The following HDAC9 variants were observed in gnomAD, a reference collection of about 807,000 sequenced individuals.
The protein encoded by HDAC9 is MEF-2 interacting transcription repressor (MITR) protein.
In HDAC9, 41 loss-of-function variants were observed where a neutral mutation model predicts 139.4. The ratio of observed to expected loss-of-function variants is 0.29; its 90% CI spans 0.23 to 0.38. The LOEUF is 0.38. Among genes scored for constraint, HDAC9 ranks in the 10% least tolerant of loss-of-function variants. HDAC9 has a pLI of 1.00. For synonymous variants in HDAC9, 517 were observed against 476.2 expected, an observed-to-expected ratio of 1.09 and a Z score of -1.12; for missense variants, 1,147 against 1,297.0, an observed-to-expected ratio of 0.88 and a Z score of 1.78.
intron 17 of HDAC9, among the ~76,000 whole-genome samples, chr7:18,794,160 C>A (rs1204519481): frequency 6.6e-6 from 1 of 152,134 alleles, no homozygotes; most frequent in African/African-American, 2.4e-5. Context: ...TGCAGTTACC[C>A]CAATAAACTT....
chr7:18,205,552 C>G lies in HDAC9; in HGVS notation c.25+43203C>G, dbSNP rs549279937. On this transcript the variant is annotated intron_variant, in intron 2 of 12. Transcript: ENST00000417496. ...CAAAGCACTGATAGCACCGAGGTGA[C>G]AGTATATTTTTACCTTTTTCCCCTA... Among the ~76,000 whole-genome samples, 36 of 152,092 alleles carry G rather than the reference C, an allele frequency of 2.4e-4. 1 individual carries two copies. The South Asian group carries it at 7.5e-3, about 32-fold the overall frequency.
rs570319397 is a variant in HDAC9, at chr7:18,890,681, C to T, written c.2803+16085C>T. On this transcript the variant is annotated intron_variant, in intron 22 of 25. Transcript: ENST00000686413. The stretch of plus-strand genomic sequence containing the variant: ...TCTGTTGATGATTGGAATTATACCA[C>T]ATCCATTGTGGTCGATTACCTTTTG... Among the ~76,000 whole-genome samples, 3 of 152,324 alleles carry T rather than the reference C, an allele frequency of 2.0e-5. No homozygotes were observed. The South Asian group carries it at 6.2e-4, about 32-fold the overall frequency.
intron 1 of HDAC9, among the ~76,000 whole-genome samples, chr7:18,113,463 G>A (rs1783762480): frequency 6.6e-6 from 1 of 152,150 alleles, no homozygotes; most frequent in African/African-American, 2.4e-5. Flanking sequence ...CATGGACACG[G>A]ATTAAGTTTC....
intron 2 of HDAC9, among the ~76,000 whole-genome samples, chr7:18,523,108 T>C (rs887127508): frequency 2.0e-5 from 3 of 152,166 alleles, no homozygotes; most frequent in African/African-American, 7.2e-5. Context: ...TTGGAGGACA[T>C]GATCTATAAT....
At chr7:18,354,909 T>C (rs1783134752) in intron 1 of HDAC9, among the ~76,000 whole-genome samples, 1 of 152,170 alleles carries the variant, frequency 6.6e-6, no homozygotes, top group Admixed American at 6.6e-5. Flanking sequence ...GCATTCTTCC[T>C]GGTTTGTTCC....
chr7:18,617,787 A>G (rs1331550419), intron 6 of HDAC9, among the ~76,000 whole-genome samples: 1 of 152,158 alleles, frequency 6.6e-6, no homozygotes, highest in East Asian at 1.9e-4. Context: ...TTTCTGTTAT[A>G]TGAGTAAATG....
chr7:18,672,636 G>C (rs997814882), intron 12 of HDAC9, among the ~76,000 whole-genome samples: 5 of 151,854 alleles, frequency 3.3e-5, no homozygotes, highest in African/African-American at 1.2e-4. Flanking sequence ...CTAGTCCAGG[G>C]TTATAAAGAT....
At chr7:18,865,265 G>A (rs1798406117) in intron 21 of HDAC9, among the ~76,000 whole-genome samples, 1 of 152,134 alleles carries the variant, frequency 6.6e-6, no homozygotes. Context: ...GTAGGAACGT[G>A]GTACATTTCT....
chr7:18,250,169 A>G (rs982647439), intron 2 of HDAC9, among the ~76,000 whole-genome samples: 1 of 152,240 alleles, frequency 6.6e-6, no homozygotes, highest in African/African-American at 2.4e-5. Context: ...CTGCATTGTC[A>G]TATGATTCAA....
At chr7:18,392,746 C>T (rs565943606) in intron 1 of HDAC9, among the ~76,000 whole-genome samples, 2 of 151,782 alleles carry the variant, frequency 1.3e-5, no homozygotes, top group African/African-American at 4.8e-5. Context: ...CATGATATTT[C>T]ATTCTTCACA....
intron 21 of HDAC9, among the ~76,000 whole-genome samples, chr7:18,850,580 G>A (rs1298142235): frequency 6.6e-6 from 1 of 152,116 alleles, no homozygotes; most frequent in Non-Finnish European, 1.5e-5. Context: ...ATATCCTTAT[G>A]AATTGGACAT....
At chr7:18,558,406 C>G (rs369139942) in intron 2 of HDAC9, among the ~76,000 whole-genome samples, 4 of 152,102 alleles carry the variant, frequency 2.6e-5, no homozygotes, top group South Asian at 4.1e-4. Context: ...CCAAGGTCAT[C>G]TAAAAGCTAC....
At chr7:18,538,562 C>G (rs2128604614) in intron 2 of HDAC9, among the ~76,000 whole-genome samples, 1 of 152,270 alleles carries the variant, frequency 6.6e-6, no homozygotes, top group East Asian at 1.9e-4. Flanking sequence ...CCTTAATTCC[C>G]TTGTGAAGTC....
At position 18,999,533 on chromosome 7, in the gene HDAC9, T is replaced by A. The variant is rs1786647717; in HGVS notation, c.*3471T>A. 1 of 152,280 alleles carries A rather than the reference T, an allele frequency of 6.6e-6. No homozygotes were observed. The highest frequency in any genetic ancestry group is 2.1e-4 in the South Asian group (1 of 4,828). 9.4% of individuals were successfully genotyped at this position (152,280 alleles called of 1,614,324 possible). ...GTGCAATGGCGCAATCTCGACTCAC[T>A]GCAACCTCCGCCTCCCGGGTTCAAG... On this transcript the variant is annotated 3_prime_UTR_variant, in exon 26 of 26. Transcript: ENST00000686413.
intron 1 of HDAC9, among the ~76,000 whole-genome samples, chr7:18,145,626 A>C (rs1273201308): frequency 6.6e-6 from 1 of 152,146 alleles, no homozygotes; most frequent in East Asian, 1.9e-4. Flanking sequence ...ATTCTGGAAC[A>C]CTCCAGAAGA....
chr7:18,879,784 T>A (rs1317964984), intron 22 of HDAC9, among the ~76,000 whole-genome samples: 1 of 151,950 alleles, frequency 6.6e-6, no homozygotes, highest in Admixed American at 6.6e-5. Flanking sequence ...ACAAAAGCAA[T>A]CCCAACAAAA....
intron 13 of HDAC9, among the ~76,000 whole-genome samples, chr7:18,745,531 C>CTTTT (rs565092002): frequency 7.7e-5 from 7 of 90,488 alleles, no homozygotes; most frequent in Non-Finnish European, 1.0e-4. Context: ...ACTCTCTACT[C>CTTTT]TTTTTTTTTT....
chr7:18,921,596 G>A (rs1184853254), intron 22 of HDAC9, among the ~76,000 whole-genome samples: 5 of 152,174 alleles, frequency 3.3e-5, no homozygotes, highest in Admixed American at 3.3e-4. Context: ...TGGAGAGGAT[G>A]TGGAGAAATA....
chr7:18,424,181 G>T (rs1789900987), intron 1 of HDAC9, among the ~76,000 whole-genome samples: 1 of 152,148 alleles, frequency 6.6e-6, no homozygotes. Flanking sequence ...ATTTCCAAAT[G>T]TTTACTGTTA....
Sources: gnomAD v4.1 joint callset for allele counts (sites outside exome capture counted in the v4.1 genomes callset) on GRCh38, gnomAD v4.1.1 for gene constraint, MANE v1.5 for transcripts, NCBI Gene and HGNC (gene_info 2026-07-23, HGNC 2026-07-21) for gene names.